The following CLVS1 variants were observed in gnomAD, a reference collection of about 807,000 sequenced individuals.
CLVS1 encodes the protein clavesin-1.
Under a neutral mutation model 33.1 loss-of-function variants are expected in CLVS1, and 10 were observed. The ratio of observed to expected loss-of-function variants is 0.30; its 90% CI spans 0.19 to 0.51. The LOEUF is 0.51. Ranked by LOEUF, CLVS1 falls within the 20% of genes least tolerant of loss-of-function variation. The probability of loss-of-function intolerance (pLI) is 0.97; values close to 1 mark genes in which losing one functional copy is unlikely to be tolerated. For synonymous variants in CLVS1, 163 were observed against 166.1 expected (o/e 0.98, Z 0.14); for missense variants, 343 against 433.4 (o/e 0.79, Z 1.85).
chr8:60,968,590 GT>G, the CLVS1 span, among the ~76,000 whole-genome samples: 4 of 151,528 alleles, frequency 2.6e-5, no homozygotes, highest in South Asian at 8.3e-4. Flanking sequence ...ATATTGTTAT[GT>G]TTGTTAGGAA....
chr8:61,372,196 C>T (rs1434593672), intron 2 of CLVS1, among the ~76,000 whole-genome samples: 2 of 152,024 alleles, frequency 1.3e-5, no homozygotes, highest in Non-Finnish European at 2.9e-5. Context: ...AAAAATTTCC[C>T]CCTGAGTTTT....
chr8:61,495,769 CA>C (rs562799945), intron 5 of CLVS1, among the ~76,000 whole-genome samples: 18 of 152,188 alleles, frequency 1.2e-4, no homozygotes, highest in African/African-American at 3.9e-4. Context: ...GCAAACAGAG[CA>C]AAAAACAAAC....
intron 3 of CLVS1, among the ~76,000 whole-genome samples, chr8:61,407,902 C>T (rs1029431707): frequency 2.0e-5 from 3 of 152,118 alleles, no homozygotes; most frequent in African/African-American, 4.8e-5. Flanking sequence ...AATGGAGAGA[C>T]GACTTAAATG....
At chr8:61,481,146 C>G (rs183406157) in intron 5 of CLVS1, among the ~76,000 whole-genome samples, 1 of 152,244 alleles carries the variant, frequency 6.6e-6, no homozygotes, top group East Asian at 1.9e-4. Flanking sequence ...GACACATTAC[C>G]AGTTACTGAC....
chr8:61,238,936 T>C (rs1414653827), intron 2 of CLVS1, among the ~76,000 whole-genome samples: 1 of 152,214 alleles, frequency 6.6e-6, no homozygotes, highest in East Asian at 1.9e-4. Context: ...TAAAGATACA[T>C]ATGTGTTAGT....
At chr8:61,357,531 G>C (rs1347471910) in intron 2 of CLVS1, among the ~76,000 whole-genome samples, 1 of 35,620 alleles carries the variant, frequency 2.8e-5, no homozygotes, top group East Asian at 1.4e-3. Context: ...TTGAGATGGA[G>C]TTTTGCTCTT....
At chr8:61,473,041 G>C (rs926588531) in intron 5 of CLVS1, among the ~76,000 whole-genome samples, 1 of 152,108 alleles carries the variant, frequency 6.6e-6, no homozygotes, top group Non-Finnish European at 1.5e-5. Context: ...AAGTTAAAGT[G>C]TACCATGAGG....
At chr8:61,307,059 G>A (rs568919555) in intron 2 of CLVS1, among the ~76,000 whole-genome samples, 2 of 152,108 alleles carry the variant, frequency 1.3e-5, no homozygotes, top group Non-Finnish European at 2.9e-5. Context: ...AATGAATGGG[G>A]GGTTGTTGGT....
upstream of CLVS1, among the ~76,000 whole-genome samples, chr8:61,283,046 G>C (rs71525447): frequency 2.6e-5 from 4 of 152,180 alleles, no homozygotes; most frequent in South Asian, 8.3e-4. Flanking sequence ...TCCTCCAGAG[G>C]AGTACTGGTC....
intron 2 of CLVS1, among the ~76,000 whole-genome samples, chr8:61,253,224 T>C (rs565982527): frequency 2.6e-4 from 39 of 152,346 alleles, no homozygotes; most frequent in African/African-American, 9.1e-4. Flanking sequence ...AAAATTCTTT[T>C]CTTTAAGAAT....
chr8:61,392,147 G>T, intron 3 of CLVS1, among the ~76,000 whole-genome samples: 1 of 152,118 alleles, frequency 6.6e-6, no homozygotes, highest in East Asian at 1.9e-4. Flanking sequence ...TGGGCAAGAT[G>T]GCGAGACTCC....
At chr8:61,012,465 C>T in the CLVS1 span, among the ~76,000 whole-genome samples, 2 of 152,198 alleles carry the variant, frequency 1.3e-5, no homozygotes, top group Admixed American at 6.5e-5. Flanking sequence ...GAAATGAGAA[C>T]TGTGAAGGAG....
intron 2 of CLVS1, among the ~76,000 whole-genome samples, chr8:61,359,066 C>T (rs1812863577): frequency 6.6e-6 from 1 of 152,028 alleles, no homozygotes; most frequent in Non-Finnish European, 1.5e-5. Flanking sequence ...CTTGTTGATA[C>T]AAAAGAAATG....
At chr8:61,100,764 G>A (rs892412505) in intron 1 of CLVS1, among the ~76,000 whole-genome samples, 2 of 151,870 alleles carry the variant, frequency 1.3e-5, no homozygotes, top group Non-Finnish European at 1.5e-5. Context: ...ACAACCCTAG[G>A]GAACCACAAT....
At chr8:61,221,613 G>A (rs749674812) in intron 2 of CLVS1, among the ~76,000 whole-genome samples, 3 of 152,090 alleles carry the variant, frequency 2.0e-5, no homozygotes, top group East Asian at 1.9e-4. Context: ...TTTTTGCATC[G>A]ACATTCATCA....
rs544500436 is a variant in CLVS1, at chr8:61,346,520, C to G, written c.456-30085C>G. ...TAATAATAAAGATTCCCAGCCAGTC[C>G]TAATGATGACCTTTTACATGTATCT... On this transcript the variant is annotated intron_variant, in intron 2 of 5. Coordinates refer to ENST00000325897, the MANE Select transcript of CLVS1 (RefSeq NM_173519.3). Among the ~76,000 whole-genome samples the G allele has an allele frequency of 5.9e-5, 9 of 152,272 alleles. No individual in the cohort carries two copies. The East Asian group carries it at 1.5e-3, about 26-fold the overall frequency.
At chr8:61,312,526 T>C (rs1563490670) in intron 2 of CLVS1, among the ~76,000 whole-genome samples, 1 of 152,218 alleles carries the variant, frequency 6.6e-6, no homozygotes, top group Admixed American at 6.5e-5. Flanking sequence ...ATTTTTCTCT[T>C]CTCTTTGCTA....
At chr8:61,195,142 G>T (rs914674784) in intron 2 of CLVS1, among the ~76,000 whole-genome samples, 10 of 151,860 alleles carry the variant, frequency 6.6e-5, no homozygotes, top group African/African-American at 2.4e-4. Context: ...TTAGAAAAAG[G>T]AGAGAAAAAT....
intron 4 of CLVS1, among the ~76,000 whole-genome samples, chr8:61,455,839 G>T (rs1563560717): frequency 6.6e-6 from 1 of 152,080 alleles, no homozygotes; most frequent in Admixed American, 6.5e-5. Flanking sequence ...CACTCTGCAG[G>T]GTTTCTAACT....
Sources: allele counts gnomAD v4.1 joint callset (sites outside exome capture counted in the v4.1 genomes callset), GRCh38; gene constraint gnomAD v4.1.1; transcripts MANE v1.5; gene names NCBI Gene and HGNC (gene_info 2026-07-23, HGNC 2026-07-21).